MALRD1: variants seen among roughly 807,000 people sequenced by gnomAD.
MALRD1 encodes MAM and LDL receptor class A domain containing 1.
Under a neutral mutation model 242.1 loss-of-function variants are expected in MALRD1, and 247 were observed. The observed-to-expected ratio is 1.02, with a 90% CI of 0.92 to 1.13. The LOEUF is 1.13. MALRD1 is among the 50% of genes most tolerant of loss of function. MALRD1 has a pLI of 0.00. For synonymous variants in MALRD1, 995 were observed against 866.6 expected (o/e 1.15, Z -2.60); for missense variants, 2,989 against 2,533.1 (o/e 1.18, Z -3.86).
chr10:19,256,057 C>G (rs1007350301), intron 18 of MALRD1, among the ~76,000 whole-genome samples: 5 of 152,034 alleles, frequency 3.3e-5, no homozygotes, highest in African/African-American at 1.2e-4. Context: ...ATATGTACAA[C>G]AGCTTCACTC....
chr10:19,605,291 A>G (rs1172193192), intron 34 of MALRD1, among the ~76,000 whole-genome samples: 1 of 151,386 alleles, frequency 6.6e-6, no homozygotes, highest in Non-Finnish European at 1.5e-5. Context: ...AGTAGCTGGC[A>G]CTACAGGCAT....
intron 38 of MALRD1, among the ~76,000 whole-genome samples, chr10:19,719,215 CAT>C (rs1366048990): frequency 1.2e-5 from 1 of 84,294 alleles, no homozygotes; most frequent in African/African-American, 5.1e-5. Context: ...TATATATACA[CAT>C]ACATACATAT....
chr10:19,730,505 C>A, intron 38 of MALRD1: 1 of 627,922 alleles, frequency 1.6e-6, no homozygotes, highest in Non-Finnish European at 2.9e-6. Context: ...ATTACATTTG[C>A]TTTCCTGAAT....
intron 19 of MALRD1, among the ~76,000 whole-genome samples, chr10:19,268,064 T>C (rs751590037): frequency 6.6e-6 from 1 of 152,164 alleles, no homozygotes; most frequent in Non-Finnish European, 1.5e-5. Context: ...AAATGCTAAA[T>C]GTTAAACATG....
intron 36 of MALRD1, among the ~76,000 whole-genome samples, chr10:19,660,810 A>G (rs1466977161): frequency 1.3e-5 from 2 of 152,118 alleles, no homozygotes; most frequent in Admixed American, 1.3e-4. Context: ...TCAAATAACT[A>G]TTTTACAATT....
chr10:19,606,386 A>G (rs1838625252), intron 34 of MALRD1, among the ~76,000 whole-genome samples: 1 of 152,116 alleles, frequency 6.6e-6, no homozygotes, highest in African/African-American at 2.4e-5. Flanking sequence ...GATACCGTTA[A>G]GTAAATCAGA....
intron 28 of MALRD1, among the ~76,000 whole-genome samples, chr10:19,438,543 G>C (rs529847012): frequency 6.6e-6 from 1 of 152,160 alleles, no homozygotes; most frequent in African/African-American, 2.4e-5. Flanking sequence ...GGATCACATA[G>C]TAATTCCATT....
At chr10:19,570,016 C>T (rs1836446993) in intron 33 of MALRD1, among the ~76,000 whole-genome samples, 1 of 151,842 alleles carries the variant, frequency 6.6e-6, no homozygotes, top group Admixed American at 6.6e-5. Context: ...GTGTGAACAA[C>T]AACCTAACAT....
At chr10:19,203,009 A>T (rs760613972) in intron 14 of MALRD1, among the ~76,000 whole-genome samples, 3 of 152,086 alleles carry the variant, frequency 2.0e-5, no homozygotes, top group Non-Finnish European at 4.4e-5. Context: ...TGAAAGTTAG[A>T]TATATATATT....
chr10:19,376,290 T>A (rs1468882380), intron 26 of MALRD1, among the ~76,000 whole-genome samples: 1 of 152,160 alleles, frequency 6.6e-6, no homozygotes, highest in East Asian at 1.9e-4. Flanking sequence ...AATCTGGGCT[T>A]ATGAATCTGT....
chr10:19,249,297 G>T (rs577103647), intron 18 of MALRD1, among the ~76,000 whole-genome samples: 1 of 151,858 alleles, frequency 6.6e-6, no homozygotes, highest in South Asian at 2.1e-4. Context: ...TGGAATCCAG[G>T]AACTAGGCCA....
At chr10:19,638,325 G>A (rs1360870371) in intron 36 of MALRD1, among the ~76,000 whole-genome samples, 3 of 152,052 alleles carry the variant, frequency 2.0e-5, no homozygotes, top group Non-Finnish European at 2.9e-5. Flanking sequence ...AAAACAAAAG[G>A]AGGTGGGGAT....
At chr10:19,306,761 G>A (rs1200971999) in intron 21 of MALRD1, among the ~76,000 whole-genome samples, 1 of 151,258 alleles carries the variant, frequency 6.6e-6, no homozygotes, top group Non-Finnish European at 1.5e-5. Context: ...AATCATGGCA[G>A]AAGGGGAAGC....
chr10:19,561,828 C>T (rs1835980248), intron 32 of MALRD1, among the ~76,000 whole-genome samples: 1 of 151,872 alleles, frequency 6.6e-6, no homozygotes, highest in Non-Finnish European at 1.5e-5. Flanking sequence ...TTTATATTTT[C>T]CCTCCTATAC....
chr10:19,590,775 G>T (rs983286281), intron 33 of MALRD1, among the ~76,000 whole-genome samples: 5 of 152,070 alleles, frequency 3.3e-5, no homozygotes, highest in African/African-American at 1.2e-4. Flanking sequence ...CAGCAGAATT[G>T]AGAAGAAAAT....
At chr10:19,064,169 C>T (rs770116401) in intron 1 of MALRD1, among the ~76,000 whole-genome samples, 1 of 152,030 alleles carries the variant, frequency 6.6e-6, no homozygotes, top group Admixed American at 6.6e-5. Flanking sequence ...CAAAGTGATA[C>T]GTTGCACAAG....
chr10:19,676,479 T>C (rs1352775886), intron 36 of MALRD1, among the ~76,000 whole-genome samples: 1 of 152,218 alleles, frequency 6.6e-6, no homozygotes, highest in Non-Finnish European at 1.5e-5. Context: ...TTTTTTAATA[T>C]AAAATTCTTA....
intron 18 of MALRD1, among the ~76,000 whole-genome samples, chr10:19,238,483 T>A (rs1455418956): frequency 1.7e-4 from 3 of 17,812 alleles, no homozygotes; most frequent in Admixed American, 1.5e-3. Flanking sequence ...ATAATATACA[T>A]TATATATAAT....
At chr10:19,714,340 C>T (rs1270320988) in intron 38 of MALRD1, among the ~76,000 whole-genome samples, 2 of 152,186 alleles carry the variant, frequency 1.3e-5, no homozygotes, top group Non-Finnish European at 2.9e-5. Flanking sequence ...TCCAACCACC[C>T]TGGCCAAACT....
Sources: allele counts gnomAD v4.1 joint callset (sites outside exome capture counted in the v4.1 genomes callset), GRCh38; gene constraint gnomAD v4.1.1; transcripts MANE v1.5; gene names NCBI Gene and HGNC (gene_info 2026-07-23, HGNC 2026-07-21).